The following ZNF142 variants were observed in gnomAD, a reference collection of about 807,000 sequenced individuals.
ZNF142 encodes zinc finger protein 142 (clone pHZ-49).
Under a neutral mutation model 132.1 loss-of-function variants are expected in ZNF142, and 96 were observed. The observed-to-expected ratio is 0.73, with a 90% confidence interval of 0.62 to 0.86. ZNF142 has a LOEUF of 0.86. ZNF142 is among the 40% of genes least tolerant of loss of function. The pLI is 0.00. For synonymous variants in ZNF142, 842 were observed against 890.1 expected, an observed-to-expected ratio of 0.95 and a Z score of 0.96; for missense variants, 2,163 against 2,336.2, an observed-to-expected ratio of 0.93 and a Z score of 1.53.
intron 10 of ZNF142, among the ~76,000 whole-genome samples, chr2:218,639,791 C>A (rs1159795979): frequency 2.0e-5 from 3 of 147,054 alleles, no homozygotes; most frequent in Non-Finnish European, 4.5e-5. Context: ...CATGGTGGCT[C>A]ATGCCTGTAA....
Position 218,643,050 on chromosome 2 carries a change from G to A in ZNF142, c.4066C>T (p.Arg1356Trp), listed in dbSNP as rs756896397. The stretch of plus-strand genomic sequence containing the variant: ...GCTGGGGCTGCAGTGGGGTGCCTCC[G>A]CTTCTGGTGGAGCCTTAAGGCAGTG... ...AATALRLHQK[R>W]RHPTAAPARG... The change falls in exon 9 of 11, where the codon CGG becomes TGG. Residue 1356 changes from arginine to tryptophan, a missense_variant. By Grantham distance (101) the Arg-to-Trp change is moderately radical (BLOSUM62 -3). Around this residue, in one of 7 missense-constraint regions of ZNF142, gnomAD observed 809 missense variants for 801.7 expected, o/e 1.01. Transcript: ENST00000411696. 57 of 1,598,156 alleles carry A rather than the reference G, an allele frequency of 3.6e-5. No homozygotes were observed. Among genetic ancestry groups the A allele is most frequent in the African/African-American group, 5.4e-5 (4 of 74,646 alleles).
Position 218,643,110 on chromosome 2 carries a change from G to C in ZNF142, c.4006C>G (p.His1336Asp), listed in dbSNP as rs373958230. ...GCPLEESGEL[H>D]CSLCPFTAPA... ...GCAGTGAATGGGCAGAGGCTGCAGTGCAGCTCTCCAGACTCCTCGAGGGGG... is the reference window on the plus strand; with the variant it reads ...GCAGTGAATGGGCAGAGGCTGCAGTCCAGCTCTCCAGACTCCTCGAGGGGG... Residue 1336 changes from histidine to aspartate, a missense_variant, in exon 9 of 11, where the codon CAC (histidine) becomes GAC (aspartate). His to Asp is a moderately conservative substitution (Grantham distance 81, BLOSUM62 -1). Transcript: ENST00000411696. 29 of 1,612,456 alleles carry C rather than the reference G, an allele frequency of 1.8e-5. No individual in the cohort carries two copies. Among genetic ancestry groups the C allele is most frequent in the Admixed American group, 3.4e-5 (2 of 59,688 alleles).
In ZNF142 at chr2:218,642,247, C is replaced by T. The variant is rs780800324; in HGVS notation, c.4869G>A (p.Pro1623=). 3.0e-5 allele frequency: 49 copies of T among 1,614,116 alleles called. No individual in the cohort carries two copies. The highest frequency in any genetic ancestry group is 8.3e-5 in the Admixed American group (5 of 60,032). ...TGAAGTCACAAAAGGGGCAGTGTAG[C>T]GGGGGCTGGCCAGCATCCCCATCCC... ...SDGDGDAGQP[P]LHCPFCDFTC... The change falls in exon 9 of 11, where the codon CCG becomes CCA. Residue 1623 remains proline (P), a synonymous_variant. Coordinates refer to ENST00000411696, the MANE Select transcript of ZNF142 (RefSeq NM_001379659.1). The surrounding 1 kb of genome is among the most constrained non-coding windows in gnomAD (Gnocchi z 4.6).
chr2:218,634,511 T>A lies in ZNF142; in HGVS notation c.*3828A>T. On this transcript the variant is annotated 3_prime_UTR_variant, in exon 11 of 11. Transcript: ENST00000411696. The surrounding 1 kb of genome is among the most constrained non-coding windows in gnomAD (Gnocchi z 4.0). ...TGAAATGGACATCTGTGATGGGCAT[T>A]TCCGCCAGAATGGCGGCTGTGGCTA... is the stretch of plus-strand genomic sequence containing the variant. 6.2e-7 allele frequency: 1 copy of A among 1,614,068 alleles called. No homozygotes were observed. The highest frequency in any genetic ancestry group is 8.5e-7 in the Non-Finnish European group (1 of 1,179,894).
rs777650439 is a variant in ZNF142 at position 218,643,242 on chromosome 2, C to T, written c.3874G>A (p.Asp1292Asn). ...GSTESSSGDG[D>N]TVLVQKQKGA... ...TTCTGCTTTTGAACCAGAACTGTAT[C>T]CCCATCACCAGAGCTGGACTCTGTA... Residue 1292 changes from aspartate to asparagine, a missense_variant, in exon 9 of 11, where the codon GAT (aspartate) becomes AAT (asparagine). By Grantham distance (23) the Asp-to-Asn change is conservative. Around this residue, in one of 7 missense-constraint regions of ZNF142, gnomAD observed 809 missense variants for 801.7 expected, o/e 1.01. Transcript: ENST00000411696. 1 of 1,614,132 alleles carries T rather than the reference C, an allele frequency of 6.2e-7. No individual in the cohort carries two copies. Among genetic ancestry groups the T allele is most frequent in the African/African-American group, 1.3e-5 (1 of 74,948 alleles).
rs770446898 is a variant in ZNF142, at chr2:218,642,168, G to A, written c.4948C>T (p.Arg1650Cys). The change falls in exon 9 of 11, where the codon CGT becomes TGT. Residue 1650 changes from arginine (R) to cysteine (C), a missense_variant. Arg to Cys is a radical substitution (Grantham distance 180, BLOSUM62 -3). Coordinates refer to ENST00000411696, the MANE Select transcript of ZNF142 (RefSeq NM_001379659.1). The surrounding 1 kb of genome is among the most constrained non-coding windows in gnomAD (Gnocchi z 4.6). ...DHHVKGHGGT[R>C]LYKCTDCAYS... ...GCACAATCGGTGCACTTGTAGAGAC[G>A]AGTGCCCCCATGCCCTTTCACATGG... is the stretch of plus-strand genomic sequence containing the variant. 8.7e-6 allele frequency: 14 copies of A among 1,614,082 alleles called. No individual in the cohort carries two copies. The highest frequency in any genetic ancestry group is 6.7e-5 in the Admixed American group (4 of 60,000).
At position 218,643,206 on chromosome 2, in the gene ZNF142, A is replaced by T. The variant is rs1378032328; in HGVS notation, c.3910T>A (p.Phe1304Ile). Residue 1304 changes from phenylalanine (F) to isoleucine (I), a missense_variant, in exon 9 of 11, where the codon TTC (phenylalanine) becomes ATC (isoleucine). Around this residue, in one of 7 missense-constraint regions of ZNF142, gnomAD observed 809 missense variants for 801.7 expected, o/e 1.01. Coordinates refer to ENST00000411696, the MANE Select transcript of ZNF142 (RefSeq NM_001379659.1). ...CTAAAGGGACATGTAGGGCAGGAGA[A>T]GCGAGCCCCCTTCTGCTTTTGAACC... ...VLVQKQKGAR[F>I]SCPTCPFSCQ... 1 of 1,614,238 alleles carries T rather than the reference A, an allele frequency of 6.2e-7. No individual in the cohort carries two copies.
Position 218,649,443 on chromosome 2 carries a change from G to A in ZNF142, c.1065C>T (p.Gly355=). 6.3e-7 allele frequency: 1 copy of A among 1,598,380 alleles called. No homozygotes were observed. Among genetic ancestry groups the A allele is most frequent in the Non-Finnish European group, 8.5e-7 (1 of 1,171,298 alleles). Residue 355 remains glycine, a synonymous_variant, in exon 7 of 11, where the codon GGC becomes GGT. Transcript: ENST00000411696. ...AQRLEGDVVS[G]TESLFKTHMC... ...TATGGGTCTTGAAGAGGGACTCGGT[G>A]CCAGAGACCACATCCCCTGGGAAAG...
chr2:218,638,731 G>A lies in ZNF142; in HGVS notation c.5272C>T (p.Arg1758Trp), dbSNP rs944480152. The A allele has an allele frequency of 2.5e-6, 4 of 1,613,216 alleles. No homozygotes were observed. The highest frequency in any genetic ancestry group is 2.7e-5 in the African/African-American group (2 of 74,904). ...ATGAAAGCCCGTGCTTCTCGATGCC[G>A]GGTCTCCTGGTGCACACGCAGTGCA... ...ADALRVHQET[R>W]HREARAFMCE... Residue 1758 changes from arginine to tryptophan, a missense_variant, in exon 11 of 11, where the codon CGG becomes TGG. Around this residue, in one of 7 missense-constraint regions of ZNF142, gnomAD observed 325 missense variants for 367.8 expected, o/e 0.88. Transcript: ENST00000411696.
At position 218,644,437 on chromosome 2, in the gene ZNF142, G is replaced by A; in HGVS notation, c.2679C>T (p.Cys893=). 2 of 1,614,042 alleles carry A rather than the reference G, an allele frequency of 1.2e-6. No individual in the cohort carries two copies. The highest frequency in any genetic ancestry group is 1.7e-6 in the Non-Finnish European group (2 of 1,179,998). Residue 893 remains cysteine (C), a synonymous_variant, in exon 9 of 11, where the codon TGC becomes TGT. Transcript: ENST00000411696. This position sits in a 1 kb window ranked among gnomAD's most constrained non-coding sequence, Gnocchi z 4.6. ...PSPAEVEEGS[C]TLHLEALGVE... ...CTCCCAGGGCCTCTAGGTGTAGTGTGCAGCTGCCCTCCTCCACCTCTGCTG... is the reference window on the plus strand; with the variant it reads ...CTCCCAGGGCCTCTAGGTGTAGTGTACAGCTGCCCTCCTCCACCTCTGCTG...
chr2:218,640,258 C>T (rs73992541), intron 10 of ZNF142, among the ~76,000 whole-genome samples: 2,351 of 152,144 alleles, frequency 0.015, 57 homozygotes, highest in African/African-American at 0.052. Context: ...CATCCACACC[C>T]AGGAGAAGAA....
At chr2:218,653,258 AAG>A (rs10606610) in intron 4 of ZNF142, among the ~76,000 whole-genome samples, 90,855 of 148,602 alleles carry the variant, frequency 0.61, 28,092 homozygotes, top group East Asian at 0.82. Context: ...CAGCCTGGCC[AAG>A]AGAGAGACTC....
intron 4 of ZNF142, among the ~76,000 whole-genome samples, chr2:218,653,829 C>T (rs1938240824): frequency 6.6e-6 from 1 of 151,996 alleles, no homozygotes; most frequent in South Asian, 2.1e-4. Context: ...TCCCTGGGGA[C>T]CAAAAAAATA....
chr2:218,640,659 C>T lies in ZNF142; in HGVS notation c.5194+5G>A. 6.2e-7 allele frequency: 1 copy of T among 1,613,946 alleles called. No individual in the cohort carries two copies. On this transcript the variant is annotated splice_donor_5th_base_variant and intron_variant, in intron 10 of 10. Transcript: ENST00000411696. ...TTCAGGCCTGTCGAAACCACACAGA[C>T]TCACCTGTATGCTTGGTCATGTGGT... is the stretch of plus-strand genomic sequence containing the variant.
chr2:218,643,169 TC>T lies in ZNF142; in HGVS notation c.3946del (p.Glu1316AsnfsTer4). ...GATCTGGTGAGTCCTCAGAGCCCGTTCCTGCTGGCAGCTAAAGGGACATGTA... is the reference window on the plus strand; with the variant it reads ...GATCTGGTGAGTCCTCAGAGCCCGTTCTGCTGGCAGCTAAAGGGACATGTA... The part of the protein sequence containing the change: ...CPTCPFSCQQ[E>X]RALRTHQIRG... On this transcript the variant is annotated frameshift_variant, in exon 9 of 11. Transcript: ENST00000411696. LOFTEE classifies it high-confidence loss of function. The T allele has an allele frequency of 1.2e-6, 2 of 1,614,246 alleles. No individual in the cohort carries two copies. The highest frequency in any genetic ancestry group is 1.7e-6 in the Non-Finnish European group (2 of 1,180,030).
At position 218,642,881 on chromosome 2, in the gene ZNF142, C is replaced by G; in HGVS notation, c.4235G>C (p.Arg1412Pro). 6.2e-7 allele frequency: 1 copy of G among 1,614,100 alleles called. No individual in the cohort carries two copies. The highest frequency in any genetic ancestry group is 8.5e-7 in the Non-Finnish European group (1 of 1,180,030). The change falls in exon 9 of 11, where the codon CGG becomes CCG. Residue 1412 changes from arginine to proline, a missense_variant. Coordinates refer to ENST00000411696, the MANE Select transcript of ZNF142 (RefSeq NM_001379659.1). The surrounding 1 kb of genome is among the most constrained non-coding windows in gnomAD (Gnocchi z 4.6). ...CPFCDFSTTRRYRLEAHQSRH... is the reference protein window; with the variant it reads ...CPFCDFSTTRPYRLEAHQSRH... The stretch of plus-strand genomic sequence containing the variant: ...GGACTGGTGAGCCTCTAACCGGTAC[C>G]GTCTGGTGGTCGAAAAGTCACAGAA...
chr2:218,648,583 T>C, intron 7 of ZNF142, 52 bp downstream of exon 7: 1 of 1,548,442 alleles, frequency 6.5e-7, no homozygotes, highest in Non-Finnish European at 8.8e-7. Flanking sequence ...TTGTAGCCAG[T>C]ATCACCACCA....
Position 218,642,511 on chromosome 2 carries a change from C to T in ZNF142, c.4605G>A (p.Leu1535=), listed in dbSNP as rs184440803. 295 of 1,607,150 alleles carry T rather than the reference C, an allele frequency of 1.8e-4. 1 individual carries two copies. The Admixed American group carries it at 4.9e-3, about 27-fold the overall frequency. The change falls in exon 9 of 11, where the codon TTG becomes TTA. Residue 1535 remains leucine (L), a synonymous_variant. Transcript: ENST00000411696. This position sits in a 1 kb window ranked among gnomAD's most constrained non-coding sequence, Gnocchi z 4.6. ...GTAAGCTGGCAGGGCTGGGGCACAG[C>T]AACCCACAGCGGGAACAGTGCAGGG... ...EGPLHCSRCG[L]LCPSPASLRG...
Position 218,644,013 on chromosome 2 carries a change from C to T in ZNF142, c.3103G>A (p.Ala1035Thr), listed in dbSNP as rs1263911371. 6.2e-7 allele frequency: 1 copy of T among 1,614,130 alleles called. No individual in the cohort carries two copies. Among genetic ancestry groups the T allele is most frequent in the Non-Finnish European group, 8.5e-7 (1 of 1,180,020 alleles). ...AAAGGGCAGTGTGGGCAGCGGAAGG[C>T]TCGCCCCTCTCCCTGGATCACTACC... is the stretch of plus-strand genomic sequence containing the variant. ...QMVVIQGEGR[A>T]FRCPHCPFIT... Residue 1035 changes from alanine to threonine, a missense_variant, in exon 9 of 11, where the codon GCC becomes ACC. By Grantham distance (58) the Ala-to-Thr change is moderately conservative (BLOSUM62 0). Coordinates refer to ENST00000411696, the MANE Select transcript of ZNF142 (RefSeq NM_001379659.1). This position sits in a 1 kb window ranked among gnomAD's most constrained non-coding sequence, Gnocchi z 4.6.
Sources: allele counts gnomAD v4.1 joint callset (sites outside exome capture counted in the v4.1 genomes callset), GRCh38; gene constraint gnomAD v4.1.1; regional missense constraint gnomAD v4.1.1; non-coding constraint Gnocchi (gnomAD v3.1); transcripts MANE v1.5; gene names NCBI Gene and HGNC (gene_info 2026-07-23, HGNC 2026-07-21).